CPNE8: variants seen among roughly 807,000 people sequenced by gnomAD.
The protein encoded by CPNE8 is copine 8.
A neutral mutation model predicts 81.5 loss-of-function variants in CPNE8; 45 were observed. The observed-to-expected ratio is 0.55, with a 90% CI of 0.44 to 0.71. The LOEUF (loss-of-function observed/expected upper bound fraction) is 0.71, where lower values mean the gene tolerates loss of function less well. Among genes scored for constraint, CPNE8 ranks in the 30% least tolerant of loss-of-function variants. The pLI is 0.00. For synonymous variants in CPNE8, 252 were observed against 226.3 expected (o/e 1.11, Z -1.02); for missense variants, 594 against 672.1 (o/e 0.88, Z 1.28).
At chr12:38,799,031 G>A (rs990616780) in intron 6 of CPNE8, among the ~76,000 whole-genome samples, 1 of 152,132 alleles carries the variant, frequency 6.6e-6, no homozygotes, top group Non-Finnish European at 1.5e-5. Context: ...CAATACAGGA[G>A]CACCCAGATT....
intron 3 of CPNE8, among the ~76,000 whole-genome samples, chr12:38,850,313 C>A (rs916646193): frequency 2.6e-5 from 4 of 152,126 alleles, no homozygotes; most frequent in Admixed American, 2.6e-4. Context: ...GGATTTTTAA[C>A]CCAAACTCAC....
intron 6 of CPNE8, among the ~76,000 whole-genome samples, chr12:38,788,704 T>A (rs1277316854): frequency 6.6e-6 from 1 of 151,748 alleles, no homozygotes; most frequent in Non-Finnish European, 1.5e-5. Flanking sequence ...TGGTCTTATA[T>A]TTAGAAAAAC....
At chr12:38,677,597 A>G (rs775090998) in intron 16 of CPNE8, 43 bp from the exon 17 acceptor site, 4 of 1,077,588 alleles carry the variant, frequency 3.7e-6, no homozygotes, top group Admixed American at 1.7e-5. Context: ...ACAGTTTTCT[A>G]TATGTGATGG....
At position 38,679,669 on chromosome 12, in the gene CPNE8, G is replaced by A. The variant is rs1261285863; in HGVS notation, c.1272-2115C>T. 10 of 984,678 alleles carry A rather than the reference G, an allele frequency of 1.0e-5. No individual in the cohort carries two copies. In the African/African-American group the frequency reaches 1.4e-4, roughly 14 times the overall value. The allele number at this position is 984,678 out of a possible 1,614,324, so 61.0% of individuals were successfully genotyped here. The stretch of plus-strand genomic sequence containing the variant: ...TTTAAAACCAGTTGTTGCTTCTTTG[G>A]CACTTGTTCTACACGTTGGCACATT... On this transcript the variant is annotated intron_variant, in intron 16 of 19. Coordinates refer to ENST00000331366, the MANE Select transcript of CPNE8 (RefSeq NM_153634.3).
At chr12:38,814,536 T>C (rs2136993932) in intron 6 of CPNE8, among the ~76,000 whole-genome samples, 1 of 152,188 alleles carries the variant, frequency 6.6e-6, no homozygotes, top group South Asian at 2.1e-4. Flanking sequence ...TTGATCAGGC[T>C]GGTCTTGAAC....
intron 19 of CPNE8, among the ~76,000 whole-genome samples, chr12:38,664,175 C>CT (rs1164866175): frequency 3.9e-5 from 6 of 152,038 alleles, no homozygotes; most frequent in Non-Finnish European, 7.4e-5. Context: ...TATGGGTATG[C>CT]TATCCCTGAT....
intron 9 of CPNE8, among the ~76,000 whole-genome samples, chr12:38,761,398 C>T (rs1941567579): frequency 6.6e-6 from 1 of 152,050 alleles, no homozygotes; most frequent in South Asian, 2.1e-4. Flanking sequence ...TTCTTAGGAA[C>T]TTTTCTAAGA....
intron 13 of CPNE8, among the ~76,000 whole-genome samples, chr12:38,709,171 T>C (rs1255413481): frequency 6.6e-6 from 1 of 152,228 alleles, no homozygotes; most frequent in Non-Finnish European, 1.5e-5. Flanking sequence ...TTCTGGAACA[T>C]GCCCTGAAGC....
intron 13 of CPNE8, among the ~76,000 whole-genome samples, chr12:38,717,030 T>G (rs1455146832): frequency 6.6e-6 from 1 of 151,846 alleles, no homozygotes; most frequent in Non-Finnish European, 1.5e-5. Context: ...AACAAACATA[T>G]GAAAAAATGC....
intron 3 of CPNE8, among the ~76,000 whole-genome samples, chr12:38,856,138 C>T (rs192881339): frequency 6.6e-6 from 1 of 151,848 alleles, no homozygotes; most frequent in Non-Finnish European, 1.5e-5. Flanking sequence ...CATACTAAGG[C>T]TGAACCATGA....
intron 19 of CPNE8, among the ~76,000 whole-genome samples, chr12:38,654,708 TGAATCCCAACAG>T (rs1045028116): frequency 1.3e-5 from 2 of 152,068 alleles, no homozygotes; most frequent in African/African-American, 4.8e-5. Context: ...ATACCCAGCC[TGAATCCCAACAG>T]GATGGAGCAT....
chr12:38,902,640 T>C (rs1193330674), intron 1 of CPNE8, among the ~76,000 whole-genome samples: 1 of 152,150 alleles, frequency 6.6e-6, no homozygotes, highest in Non-Finnish European at 1.5e-5. Context: ...CTACAAAACA[T>C]GTTCTTGATG....
At chr12:38,857,748 T>C (rs1431011377) in intron 3 of CPNE8, among the ~76,000 whole-genome samples, 2 of 151,862 alleles carry the variant, frequency 1.3e-5, no homozygotes, top group African/African-American at 2.4e-5. Context: ...CCAAAAAAAA[T>C]AGCCGGGCAT....
chr12:38,834,611 A>T (rs565242477), intron 5 of CPNE8, among the ~76,000 whole-genome samples: 1 of 152,224 alleles, frequency 6.6e-6, no homozygotes, highest in Admixed American at 6.5e-5. Flanking sequence ...CTTATAACTG[A>T]CCTCCTTAAT....
chr12:38,772,556 A>G (rs1462412318), intron 7 of CPNE8, among the ~76,000 whole-genome samples: 3 of 152,238 alleles, frequency 2.0e-5, no homozygotes, highest in African/African-American at 7.2e-5. Context: ...GCAAATCCAT[A>G]CAAAAGATTA....
At chr12:38,834,486 A>C (rs1011750152) in intron 5 of CPNE8, among the ~76,000 whole-genome samples, 12 of 152,146 alleles carry the variant, frequency 7.9e-5, no homozygotes, top group African/African-American at 2.9e-4. Flanking sequence ...TTTACACTGG[A>C]CATCCAATTC....
chr12:38,797,593 T>C (rs1473535601), intron 6 of CPNE8, among the ~76,000 whole-genome samples: 1 of 151,672 alleles, frequency 6.6e-6, no homozygotes, highest in Non-Finnish European at 1.5e-5. Flanking sequence ...ACCACAAAGA[T>C]GGGGAAAAAA....
At chr12:38,902,348 G>GA (rs1368812846) in intron 1 of CPNE8, among the ~76,000 whole-genome samples, 4 of 64,742 alleles carry the variant, frequency 6.2e-5, no homozygotes, top group African/African-American at 1.1e-4. Context: ...AAGAAAGAAA[G>GA]AAAGAAAGAA....
chr12:38,888,784 G>A (rs1393531831), intron 1 of CPNE8, among the ~76,000 whole-genome samples: 1 of 152,116 alleles, frequency 6.6e-6, no homozygotes, highest in African/African-American at 2.4e-5. Flanking sequence ...ACCACTGAAT[G>A]AAACAGGCAT....
Sources: allele counts gnomAD v4.1 joint callset (sites outside exome capture counted in the v4.1 genomes callset), GRCh38; gene constraint gnomAD v4.1.1; transcripts MANE v1.5; gene names NCBI Gene and HGNC (gene_info 2026-07-23, HGNC 2026-07-21).